IGFL2: variants seen among roughly 807,000 people sequenced by gnomAD.
IGFL2 encodes the protein insulin growth factor-like family member 2.
In IGFL2, 7 loss-of-function variants were observed where a neutral mutation model predicts 13.9. The observed-to-expected ratio is 0.51, with a 90% CI of 0.29 to 0.95. The LOEUF is 0.95. IGFL2 is among the 40% of genes least tolerant of loss of function. The pLI, the probability that IGFL2 is intolerant of heterozygous loss-of-function variation, is 0.08. For missense variants in IGFL2, 138 were observed against 147.8 expected, an observed-to-expected ratio of 0.93 and a Z score of 0.34; for synonymous variants, 55 against 55.8, an observed-to-expected ratio of 0.99 and a Z score of 0.07.
the IGFL2 span, among the ~76,000 whole-genome samples, chr19:46,211,007 G>A: frequency 6.6e-6 from 1 of 152,198 alleles, no homozygotes; most frequent in African/African-American, 2.4e-5. Context: ...TGGTAGCACA[G>A]TCATTGTGTC....
the IGFL2 span, among the ~76,000 whole-genome samples, chr19:46,192,781 C>A: frequency 6.6e-6 from 1 of 152,140 alleles, no homozygotes; most frequent in Non-Finnish European, 1.5e-5. Flanking sequence ...GGAGTCATCC[C>A]AGCCTTTCTA....
the IGFL2 span, chr19:46,212,113 C>G: frequency 6.6e-6 from 1 of 151,952 alleles, no homozygotes; most frequent in African/African-American, 2.4e-5. Flanking sequence ...TCCATGTTAT[C>G]AGCACGTCCT....
At chr19:46,120,224 T>G in the IGFL2 span, 119 of 1,535,598 alleles carry the variant, frequency 7.7e-5, 1 homozygote, top group East Asian at 9.6e-5. Context: ...GAGCCATCCC[T>G]CTGAAGTCAA....
the IGFL2 span, among the ~76,000 whole-genome samples, chr19:46,109,160 AG>A: frequency 2.0e-5 from 3 of 152,196 alleles, no homozygotes; most frequent in Admixed American, 6.5e-5. Flanking sequence ...ACCTGGGTAC[AG>A]GTGGGCTGAG....
chr19:46,094,757 C>T, the IGFL2 span, among the ~76,000 whole-genome samples: 1 of 152,154 alleles, frequency 6.6e-6, no homozygotes, highest in African/African-American at 2.4e-5. Flanking sequence ...TCAGCTCTCA[C>T]TTACAAGTGA....
upstream of IGFL2, among the ~76,000 whole-genome samples, chr19:46,146,863 C>T (rs531397707): frequency 5.9e-5 from 9 of 152,300 alleles, no homozygotes; most frequent in South Asian, 1.9e-3. Flanking sequence ...AGCCCTAACA[C>T]CTCTCCTGAT....
chr19:46,194,497 T>C, the IGFL2 span, among the ~76,000 whole-genome samples: 1 of 152,064 alleles, frequency 6.6e-6, no homozygotes, highest in Non-Finnish European at 1.5e-5. Context: ...GTAAAGCTTT[T>C]CAATGGCTTC....
At chr19:46,188,375 GGTC>G in the IGFL2 span, among the ~76,000 whole-genome samples, 3 of 152,190 alleles carry the variant, frequency 2.0e-5, no homozygotes, top group Non-Finnish European at 4.4e-5. Flanking sequence ...CTAAGTGAAA[GGTC>G]CATCCCCAGC....
At chr19:46,105,207 A>G in the IGFL2 span, among the ~76,000 whole-genome samples, 1 of 152,210 alleles carries the variant, frequency 6.6e-6, no homozygotes, top group Non-Finnish European at 1.5e-5. Flanking sequence ...CTTTCAGCCC[A>G]TATAACAGCA....
At chr19:46,170,497 C>G in the IGFL2 span, among the ~76,000 whole-genome samples, 2 of 152,092 alleles carry the variant, frequency 1.3e-5, no homozygotes, top group Non-Finnish European at 2.9e-5. Context: ...ATCTGGGCAC[C>G]TTAAGAACAG....
the IGFL2 span, among the ~76,000 whole-genome samples, chr19:46,178,368 C>G: frequency 9.9e-4 from 151 of 152,286 alleles, no homozygotes; most frequent in African/African-American, 3.2e-3. Flanking sequence ...CTTATAACAT[C>G]ACACTACAGA....
chr19:46,147,887 G>A (rs1431349407), upstream of IGFL2: 1 of 188,754 alleles, frequency 5.3e-6, no homozygotes, highest in Non-Finnish European at 1.1e-5. Context: ...TGAATATGAA[G>A]TTTCATCACC....
At chr19:46,163,953 A>G (rs1404499403), downstream of IGFL2, 1 of 152,312 alleles carries the variant, frequency 6.6e-6, no homozygotes, top group Non-Finnish European at 1.5e-5. Context: ...CTTGTTGCCA[A>G]TGCAAAGGCA....
chr19:46,151,491 A>G (rs1169126316), intron 1 of IGFL2, among the ~76,000 whole-genome samples: 2 of 152,218 alleles, frequency 1.3e-5, no homozygotes, highest in Non-Finnish European at 2.9e-5. Flanking sequence ...CACTGTCACT[A>G]TAGCTTTGTG....
At chr19:46,206,137 C>A in the IGFL2 span, among the ~76,000 whole-genome samples, 1 of 152,154 alleles carries the variant, frequency 6.6e-6, no homozygotes, top group Non-Finnish European at 1.5e-5. Flanking sequence ...GGGACTCTTG[C>A]ATCCACAGAG....
At chr19:46,102,403 T>C in the IGFL2 span, among the ~76,000 whole-genome samples, 2 of 152,196 alleles carry the variant, frequency 1.3e-5, no homozygotes, top group Non-Finnish European at 2.9e-5. Flanking sequence ...TTACAAAGTA[T>C]ATTCTCAAGG....
At chr19:46,124,880 C>G in the IGFL2 span, among the ~76,000 whole-genome samples, 3 of 150,582 alleles carry the variant, frequency 2.0e-5, no homozygotes, top group South Asian at 6.3e-4. Context: ...ACCACAGAGC[C>G]GAATGTTGCA....
At chr19:46,114,312 A>G in the IGFL2 span, among the ~76,000 whole-genome samples, 1 of 152,180 alleles carries the variant, frequency 6.6e-6, no homozygotes, top group African/African-American at 2.4e-5. Flanking sequence ...ACATGCGAAA[A>G]AAAGGGTGAT....
chr19:46,123,967 T>C, the IGFL2 span: 1 of 1,611,512 alleles, frequency 6.2e-7, no homozygotes, highest in Non-Finnish European at 8.5e-7. Flanking sequence ...AAACTTCTGC[T>C]GGGGGCCAAA....
Sources: allele counts gnomAD v4.1 joint callset (sites outside exome capture counted in the v4.1 genomes callset), GRCh38; gene constraint gnomAD v4.1.1; transcripts MANE v1.5; gene names NCBI Gene and HGNC (gene_info 2026-07-23, HGNC 2026-07-21).